The following LNP1 variants were observed in gnomAD, a reference collection of about 807,000 sequenced individuals.
LNP1 encodes the protein leukemia NUP98 fusion partner 1.
In LNP1, 12 loss-of-function variants were observed where a neutral mutation model predicts 14.5. That is an observed-to-expected ratio of 0.83 (90% CI 0.53 to 1.34). LNP1 has a LOEUF of 1.34. LNP1 is among the 40% of genes most tolerant of loss of function. The probability of loss-of-function intolerance (pLI) is 0.00; values close to 1 mark genes in which losing one functional copy is unlikely to be tolerated. For synonymous variants in LNP1, 75 were observed against 71.4 expected (o/e 1.05, Z -0.26); for missense variants, 198 against 210.9 (o/e 0.94, Z 0.38).
intron 2 of LNP1, among the ~76,000 whole-genome samples, chr3:100,438,211 T>A (rs1707309709): frequency 6.6e-6 from 1 of 152,182 alleles, no homozygotes; most frequent in Non-Finnish European, 1.5e-5. Context: ...ATAAAGAACA[T>A]CGAGTAGTTA....
At chr3:100,420,842 T>C (rs1178489552) in intron 1 of LNP1, among the ~76,000 whole-genome samples, 1 of 152,166 alleles carries the variant, frequency 6.6e-6, no homozygotes, top group Non-Finnish European at 1.5e-5. Flanking sequence ...ATTATGCTTT[T>C]GGTGTCAAGT....
At position 100,410,142 on chromosome 3, in the gene LNP1, C is replaced by CTGGAAGAT. The variant is rs568207642; in HGVS notation, c.-34+7705_-34+7712dup. Reference sequence around the variant, plus strand: ...TTTGGAACTGATTGATGGGTACAGGCTGGAAGATTTTTGAGGTGCCTGCTA... The same window carrying CTGGAAGAT: ...TTTGGAACTGATTGATGGGTACAGGCTGGAAGATTGGAAGATTTTTGAGGTGCCTGCTA... On this transcript the variant is annotated intron_variant, in intron 1 of 3. Transcript: ENST00000383693. 4.4e-3 allele frequency among the ~76,000 whole-genome samples: 666 copies of CTGGAAGAT among 152,132 alleles called. 1 individual carries two copies. The highest frequency in any genetic ancestry group is 7.1e-3 in the Non-Finnish European group (486 of 67,984).
At position 100,422,723 on chromosome 3, in the gene LNP1, T is replaced by C. The variant is rs114899551; in HGVS notation, c.-33-6974T>C. 4.0e-3 allele frequency among the ~76,000 whole-genome samples: 611 copies of C among 152,080 alleles called. 3 individuals are homozygous for C. Among genetic ancestry groups the C allele is most frequent in the South Asian group, 7.9e-3 (38 of 4,808 alleles). On this transcript the variant is annotated intron_variant, in intron 1 of 3. Coordinates refer to ENST00000383693, the MANE Select transcript of LNP1 (RefSeq NM_001085451.2). ...AAAATCCTGAAGAATTTAATGATGC[T>C]TAATGCCAAGGTAACTGGATATTTA...
intron 1 of LNP1, among the ~76,000 whole-genome samples, chr3:100,403,364 A>T (rs1245072625): frequency 3.3e-5 from 5 of 152,216 alleles, no homozygotes; most frequent in African/African-American, 1.2e-4. Flanking sequence ...TTTTCTTGGT[A>T]GATTAGTGGA....
At chr3:100,416,031 T>A (rs549160835) in intron 1 of LNP1, among the ~76,000 whole-genome samples, 1 of 152,326 alleles carries the variant, frequency 6.6e-6, no homozygotes, top group Non-Finnish European at 1.5e-5. Flanking sequence ...TCTATATTGG[T>A]AGATGAACCT....
At chr3:100,439,462 G>A (rs1456415435) in intron 2 of LNP1, among the ~76,000 whole-genome samples, 5 of 152,108 alleles carry the variant, frequency 3.3e-5, no homozygotes, top group South Asian at 2.1e-4. Context: ...ATGCCAGCAA[G>A]CTTCTTCCAT....
chr3:100,443,279 A>C (rs1229860744), intron 2 of LNP1, among the ~76,000 whole-genome samples: 1 of 152,226 alleles, frequency 6.6e-6, no homozygotes, highest in African/African-American at 2.4e-5. Context: ...ATTGAAAAAC[A>C]TTAGGCAAGA....
At chr3:100,453,916 T>C (rs1707484550) in intron 3 of LNP1, among the ~76,000 whole-genome samples, 1 of 152,192 alleles carries the variant, frequency 6.6e-6, no homozygotes, top group South Asian at 2.1e-4. Context: ...TTCTTTATAG[T>C]GAAATTTGAA....
intron 1 of LNP1, among the ~76,000 whole-genome samples, chr3:100,421,885 T>C (rs1707146525): frequency 6.6e-6 from 1 of 152,216 alleles, no homozygotes; most frequent in Non-Finnish European, 1.5e-5. Context: ...CATTATTTTT[T>C]AACTCAAACT....
At chr3:100,417,086 C>T (rs907410506) in intron 1 of LNP1, among the ~76,000 whole-genome samples, 4 of 152,038 alleles carry the variant, frequency 2.6e-5, no homozygotes, top group African/African-American at 9.7e-5. Context: ...TTTTTGGCAA[C>T]CATACTTCCA....
chr3:100,417,496 C>T (rs1707097278), intron 1 of LNP1, among the ~76,000 whole-genome samples: 1 of 151,582 alleles, frequency 6.6e-6, no homozygotes, highest in African/African-American at 2.4e-5. Flanking sequence ...CTGCCTCAGC[C>T]TCCCAAGTAG....
chr3:100,429,553 G>C, intron 1 of LNP1, 144 bp from the exon 2 acceptor site: 1 of 608,900 alleles, frequency 1.6e-6, no homozygotes, highest in Middle Eastern at 4.2e-4. Flanking sequence ...TGATGATGAA[G>C]TGGTTGTTTA....
chr3:100,409,542 C>A (rs6799116), intron 1 of LNP1, among the ~76,000 whole-genome samples: 64,453 of 141,708 alleles, frequency 0.45, 16,133 homozygotes, highest in African/African-American at 0.68. Context: ...CTCTCTCTCT[C>A]TATATATATA....
chr3:100,418,961 C>T (rs1039152669), intron 1 of LNP1, among the ~76,000 whole-genome samples: 1 of 152,158 alleles, frequency 6.6e-6, no homozygotes, highest in Admixed American at 6.5e-5. Flanking sequence ...TTGTGGTTCT[C>T]CTGTTCTCAG....
intron 2 of LNP1, among the ~76,000 whole-genome samples, chr3:100,431,992 T>G (rs7374784): frequency 8.7e-5 from 3 of 34,680 alleles, no homozygotes; most frequent in African/African-American, 1.5e-4. Context: ...GAGACCTTGT[T>G]TATATATATA....
At chr3:100,417,371 C>CTTTTTT (rs562000656) in intron 1 of LNP1, among the ~76,000 whole-genome samples, 51 of 64,620 alleles carry the variant, frequency 7.9e-4, no homozygotes, top group Admixed American at 1.0e-3. Flanking sequence ...TTTCTTTTTT[C>CTTTTTT]TTTTTTTTTT....
intron 1 of LNP1, among the ~76,000 whole-genome samples, chr3:100,415,447 A>G (rs1707073502): frequency 6.6e-6 from 1 of 152,244 alleles, no homozygotes; most frequent in African/African-American, 2.4e-5. Context: ...TTCATTTTGC[A>G]TCTACAATAT....
chr3:100,450,381 C>T (rs1336784058), intron 2 of LNP1, among the ~76,000 whole-genome samples: 5 of 151,036 alleles, frequency 3.3e-5, no homozygotes, highest in Admixed American at 2.6e-4. Flanking sequence ...CTGCCCAGGC[C>T]AGAGTGCAAT....
In LNP1 at chr3:100,445,220, G is replaced by A. The variant is rs552177139; in HGVS notation, c.157-6499G>A. On this transcript the variant is annotated intron_variant, in intron 2 of 3. Coordinates refer to ENST00000383693, the MANE Select transcript of LNP1 (RefSeq NM_001085451.2). ...CCAGAGGCAGAGGTTGCAGTGAGCT[G>A]AGCTTGCACCACTGCACTCCAGCCT... is the stretch of plus-strand genomic sequence containing the variant. Among the ~76,000 whole-genome samples, 11 of 152,272 alleles carry A rather than the reference G, an allele frequency of 7.2e-5. No homozygotes were observed. The East Asian group carries it at 2.1e-3, about 29-fold the overall frequency.
Sources: allele counts gnomAD v4.1 joint callset (sites outside exome capture counted in the v4.1 genomes callset), GRCh38; gene constraint gnomAD v4.1.1; transcripts MANE v1.5; gene names NCBI Gene and HGNC (gene_info 2026-07-23, HGNC 2026-07-21).